POFUT3: variants seen among roughly 807,000 people sequenced by gnomAD.
The protein encoded by POFUT3 is GDP-fucose protein O-fucosyltransferase 3.
chr8:33,314,178 G>A, the POFUT3 span, among the ~76,000 whole-genome samples: 21 of 152,124 alleles, frequency 1.4e-4, no homozygotes, highest in African/African-American at 3.1e-4. Flanking sequence ...TGTCCTTTTC[G>A]TCTCTTGCCA....
At chr8:33,439,027 A>C in the POFUT3 span, among the ~76,000 whole-genome samples, 1 of 152,228 alleles carries the variant, frequency 6.6e-6, no homozygotes, top group Non-Finnish European at 1.5e-5. Flanking sequence ...ATCTATCTTC[A>C]AATCACATCT....
At chr8:33,327,184 T>C in the POFUT3 span, among the ~76,000 whole-genome samples, 1 of 152,218 alleles carries the variant, frequency 6.6e-6, no homozygotes, top group Non-Finnish European at 1.5e-5. Flanking sequence ...GGGCAAATGA[T>C]GCTGGCCTCG....
chr8:33,310,427 C>T, the POFUT3 span, among the ~76,000 whole-genome samples: 3 of 152,010 alleles, frequency 2.0e-5, no homozygotes, highest in African/African-American at 7.2e-5. Context: ...AATAAAAATC[C>T]CCAGCCGGGC....
At chr8:33,414,964 GAA>G in the POFUT3 span, among the ~76,000 whole-genome samples, 1 of 96,832 alleles carries the variant, frequency 1.0e-5, no homozygotes, top group Non-Finnish European at 2.2e-5. Flanking sequence ...GAACCATAAA[GAA>G]AAAAAAAAAA....
the POFUT3 span, among the ~76,000 whole-genome samples, chr8:33,463,160 A>G: frequency 1.3e-5 from 2 of 152,146 alleles, no homozygotes; most frequent in Non-Finnish European, 2.9e-5. Flanking sequence ...ATTAGATATC[A>G]TTAGTCCTAT....
chr8:33,318,463 CTAT>C, the POFUT3 span, among the ~76,000 whole-genome samples: 2 of 132,492 alleles, frequency 1.5e-5, no homozygotes, highest in Non-Finnish European at 3.1e-5. Flanking sequence ...TGTATGAATT[CTAT>C]TATATTATTA....
At chr8:33,365,212 A>G in the POFUT3 span, among the ~76,000 whole-genome samples, 1 of 152,354 alleles carries the variant, frequency 6.6e-6, no homozygotes, top group East Asian at 1.9e-4. Context: ...CTATATGTAG[A>G]AAGCTGAAAC....
chr8:33,470,236 CAAAAAAAAAAA>C, the POFUT3 span, among the ~76,000 whole-genome samples: 51,819 of 88,452 alleles, frequency 0.59, 11,147 homozygotes, highest in Middle Eastern at 0.61. Flanking sequence ...CCCATCTCTA[CAAAAAAAAAAA>C]AAAAAAAAAA....
At chr8:33,443,878 C>T in the POFUT3 span, among the ~76,000 whole-genome samples, 7,157 of 151,798 alleles carry the variant, frequency 0.047, 272 homozygotes, top group African/African-American at 0.1. Flanking sequence ...GTAATCCCAA[C>T]ACTTTGGGAG....
At chr8:33,361,147 G>T in the POFUT3 span, 1 of 152,204 alleles carries the variant, frequency 6.6e-6, no homozygotes, top group Non-Finnish European at 1.5e-5. Context: ...CTGAGGCTGA[G>T]TAAATATTGA....
At chr8:33,318,713 ATATAT>A in the POFUT3 span, among the ~76,000 whole-genome samples, 1 of 80,028 alleles carries the variant, frequency 1.2e-5, no homozygotes, top group African/African-American at 5.3e-5. Flanking sequence ...TAATATATAA[ATATAT>A]TGTATATATA....
At chr8:33,439,968 G>A in the POFUT3 span, among the ~76,000 whole-genome samples, 3 of 152,096 alleles carry the variant, frequency 2.0e-5, no homozygotes, top group Non-Finnish European at 4.4e-5. Context: ...CTCATCTCAT[G>A]CTGCCTTCTT....
the POFUT3 span, among the ~76,000 whole-genome samples, chr8:33,385,743 G>A: frequency 6.6e-6 from 1 of 152,000 alleles, no homozygotes; most frequent in Non-Finnish European, 1.5e-5. Flanking sequence ...AATTAGCTGG[G>A]CATGGTGGCA....
At chr8:33,376,966 T>C in the POFUT3 span, among the ~76,000 whole-genome samples, 1 of 152,166 alleles carries the variant, frequency 6.6e-6, no homozygotes, top group Admixed American at 6.6e-5. Context: ...GCCGGGCACA[T>C]TGGCTCACAC....
chr8:33,380,115 A>G, the POFUT3 span, among the ~76,000 whole-genome samples: 1 of 73,422 alleles, frequency 1.4e-5, no homozygotes, highest in Non-Finnish European at 2.2e-5. Flanking sequence ...TATATACTAT[A>G]TATATACACT....
the POFUT3 span, among the ~76,000 whole-genome samples, chr8:33,331,000 A>C: frequency 6.6e-6 from 1 of 152,160 alleles, no homozygotes; most frequent in South Asian, 2.1e-4. Flanking sequence ...GACATTTAAC[A>C]AATGTAGACA....
At chr8:33,316,695 T>C in the POFUT3 span, among the ~76,000 whole-genome samples, 6 of 151,312 alleles carry the variant, frequency 4.0e-5, no homozygotes, top group Non-Finnish European at 5.9e-5. Flanking sequence ...TGAGCCAAGA[T>C]TGGGCCACTG....
At chr8:33,333,549 T>C in the POFUT3 span, among the ~76,000 whole-genome samples, 2,252 of 152,218 alleles carry the variant, frequency 0.015, 52 homozygotes, top group African/African-American at 0.051. Context: ...TCAAAGAGTA[T>C]TGATGTGGCA....
the POFUT3 span, among the ~76,000 whole-genome samples, chr8:33,385,288 C>T: frequency 2.0e-5 from 3 of 152,104 alleles, no homozygotes; most frequent in African/African-American, 7.2e-5. Context: ...AGGAAGGTTC[C>T]CACTGAACTT....
Sources: gnomAD v4.1 joint callset for allele counts (sites outside exome capture counted in the v4.1 genomes callset) on GRCh38, gnomAD v4.1.1 for gene constraint, MANE v1.5 for transcripts, NCBI Gene and HGNC (gene_info 2026-07-23, HGNC 2026-07-21) for gene names.